Variants in ST3GAL3 observed in about 807,000 individuals in gnomAD.
ST3GAL3 encodes the protein ST3 beta-galactoside alpha-2,3-sialyltransferase 3.
A neutral mutation model predicts 50.1 loss-of-function variants in ST3GAL3; 21 were observed. That is an observed-to-expected ratio of 0.42 (90% CI 0.30 to 0.60). The LOEUF is 0.60. Ranked by LOEUF, ST3GAL3 falls within the 20% of genes least tolerant of loss-of-function variation. ST3GAL3 has a pLI of 0.19. For missense variants in ST3GAL3, 353 were observed against 489.4 expected (o/e 0.72, Z 2.63); for synonymous variants, 183 against 190.0 (o/e 0.96, Z 0.30).
chr1:43,892,533 T>TA (rs1446180239), intron 5 of ST3GAL3, among the ~76,000 whole-genome samples: 1 of 152,202 alleles, frequency 6.6e-6, no homozygotes, highest in Non-Finnish European at 1.5e-5. Flanking sequence ...TTTTATTTTT[T>TA]ATGTGTGCTT....
intron 5 of ST3GAL3, among the ~76,000 whole-genome samples, chr1:43,884,090 T>A (rs1460412487): frequency 6.6e-6 from 1 of 152,228 alleles, no homozygotes; most frequent in East Asian, 1.9e-4. Flanking sequence ...CCTAATTTAC[T>A]TTTAGGTTCT....
At chr1:43,798,004 T>C (rs1180376955) in intron 3 of ST3GAL3, among the ~76,000 whole-genome samples, 1 of 152,208 alleles carries the variant, frequency 6.6e-6, no homozygotes, top group Non-Finnish European at 1.5e-5. Flanking sequence ...TACTTATGTG[T>C]AAATGCTTAT....
At chr1:43,736,970 G>T in intron 2 of ST3GAL3, 1 of 202,132 alleles carries the variant, frequency 4.9e-6, no homozygotes, top group South Asian at 8.3e-5. Flanking sequence ...GTTACATAGT[G>T]TTTTCCACAT....
intron 11 of ST3GAL3, 102 bp from the exon 12 acceptor site, chr1:43,930,030 C>T (rs1284868870): frequency 1.1e-6 from 1 of 945,900 alleles, no homozygotes; most frequent in Non-Finnish European, 1.7e-6. Flanking sequence ...TTTCCACAGT[C>T]ACGGAGTATT....
chr1:43,776,982 TC>T (rs1256387824), intron 2 of ST3GAL3, among the ~76,000 whole-genome samples: 2 of 152,190 alleles, frequency 1.3e-5, no homozygotes, highest in African/African-American at 2.4e-5. Flanking sequence ...CCTATCAAGT[TC>T]ATCTTTTTCC....
chr1:43,742,110 T>C (rs1352438798), intron 2 of ST3GAL3, among the ~76,000 whole-genome samples: 1 of 152,132 alleles, frequency 6.6e-6, no homozygotes, highest in East Asian at 1.9e-4. Flanking sequence ...CAGCAGCTGG[T>C]ACAGGATGAA....
At chr1:43,862,418 A>G (rs546917395) in intron 5 of ST3GAL3, among the ~76,000 whole-genome samples, 1 of 152,296 alleles carries the variant, frequency 6.6e-6, no homozygotes, top group East Asian at 1.9e-4. Flanking sequence ...TTGGTGACTG[A>G]CTAAACTGGG....
chr1:43,741,452 T>C (rs894061426), intron 2 of ST3GAL3, among the ~76,000 whole-genome samples: 1 of 152,244 alleles, frequency 6.6e-6, no homozygotes, highest in Non-Finnish European at 1.5e-5. Context: ...AAAATATGCA[T>C]TCAAATTATA....
chr1:43,858,112 T>C, intron 5 of ST3GAL3: 1 of 1,289,340 alleles, frequency 7.8e-7, no homozygotes, highest in Non-Finnish European at 1.0e-6. Context: ...CTCACCTTCC[T>C]CATCTGTACC....
chr1:43,883,557 C>T (rs2075499391), intron 5 of ST3GAL3, among the ~76,000 whole-genome samples: 1 of 152,238 alleles, frequency 6.6e-6, no homozygotes, highest in South Asian at 2.1e-4. Context: ...GCACGCCCTG[C>T]CTGGCCTTTT....
chr1:43,772,438 C>G (rs12747491), intron 2 of ST3GAL3: 3,563 of 160,768 alleles, frequency 0.022, 63 homozygotes, highest in Non-Finnish European at 0.033. Flanking sequence ...ACAGACTCAG[C>G]CTTCCATCAT....
chr1:43,748,289 C>T (rs1684658401), intron 2 of ST3GAL3, among the ~76,000 whole-genome samples: 1 of 151,734 alleles, frequency 6.6e-6, no homozygotes, highest in Admixed American at 6.6e-5. Flanking sequence ...ATATGCAAGA[C>T]CTCTACACTG....
chr1:43,862,395 C>T (rs1411816800), intron 5 of ST3GAL3, among the ~76,000 whole-genome samples: 1 of 152,180 alleles, frequency 6.6e-6, no homozygotes, highest in Non-Finnish European at 1.5e-5. Flanking sequence ...TCTATCTTAC[C>T]CTCCATCACC....
At chr1:43,773,916 G>T (rs1413275502) in intron 2 of ST3GAL3, among the ~76,000 whole-genome samples, 3 of 152,140 alleles carry the variant, frequency 2.0e-5, no homozygotes, top group Non-Finnish European at 4.4e-5. Context: ...CATAGTGTCT[G>T]TGCCAAGGTG....
chr1:43,906,104 C>G (rs1259421697), intron 9 of ST3GAL3, among the ~76,000 whole-genome samples: 1 of 125,714 alleles, frequency 8.0e-6, no homozygotes, highest in Non-Finnish European at 1.7e-5. Context: ...CCTCTTCCTG[C>G]CACTTTTCCT....
chr1:43,739,674 A>G lies in ST3GAL3; in HGVS notation c.118+3294A>G, dbSNP rs181237097. ...CAAAACACAACAATTATTATAATATACTGAGTTCTAAAAGAGCAATCTGTG... is the reference window on the plus strand; with the variant it reads ...CAAAACACAACAATTATTATAATATGCTGAGTTCTAAAAGAGCAATCTGTG... On this transcript the variant is annotated intron_variant, in intron 2 of 11. Coordinates refer to ENST00000347631, the MANE Select transcript of ST3GAL3 (RefSeq NM_006279.5). Among the ~76,000 whole-genome samples, 13 of 152,322 alleles carry G rather than the reference A, an allele frequency of 8.5e-5. No homozygotes were observed. The East Asian group carries it at 2.5e-3, about 29-fold the overall frequency.
chr1:43,831,186 A>G (rs2063496197), intron 4 of ST3GAL3, among the ~76,000 whole-genome samples: 1 of 152,354 alleles, frequency 6.6e-6, no homozygotes, highest in Admixed American at 6.5e-5. Context: ...TACACTTTAC[A>G]TCATAGAAAG....
At chr1:43,849,331 A>G (rs2154211139) in intron 5 of ST3GAL3, among the ~76,000 whole-genome samples, 1 of 152,116 alleles carries the variant, frequency 6.6e-6, no homozygotes, top group South Asian at 2.1e-4. Context: ...TGCAGCATCA[A>G]TATTTTGACA....
chr1:43,796,275 A>G (rs1325020650), intron 3 of ST3GAL3, among the ~76,000 whole-genome samples: 2 of 152,240 alleles, frequency 1.3e-5, no homozygotes, highest in Non-Finnish European at 2.9e-5. Flanking sequence ...GAATGTGGTA[A>G]TTAAAGCCCC....
Sources: gnomAD v4.1 joint callset for allele counts (sites outside exome capture counted in the v4.1 genomes callset) on GRCh38, gnomAD v4.1.1 for gene constraint, MANE v1.5 for transcripts, NCBI Gene and HGNC (gene_info 2026-07-23, HGNC 2026-07-21) for gene names.